SLC38A9: variants seen among roughly 807,000 people sequenced by gnomAD.
The protein encoded by SLC38A9 is neutral amino acid transporter 9.
SLC38A9 carries 48 observed loss-of-function variants against 62.3 expected under a neutral mutation model. The observed-to-expected ratio is 0.77, with a 90% CI of 0.61 to 0.98. SLC38A9 has a LOEUF of 0.98. Among genes scored for constraint, SLC38A9 ranks in the 50% least tolerant of loss-of-function variants. SLC38A9 has a pLI of 0.00. For synonymous variants in SLC38A9, 204 were observed against 227.7 expected, an observed-to-expected ratio of 0.90 and a Z score of 0.94; for missense variants, 541 against 679.8, an observed-to-expected ratio of 0.80 and a Z score of 2.27.
rs577599634 is a variant in SLC38A9 at position 55,690,095 on chromosome 5, C to A, written c.113+7751G>T. Among the ~76,000 whole-genome samples the A allele has an allele frequency of 3.9e-4, 60 of 152,190 alleles. 1 individual carries two copies. In the South Asian group the frequency reaches 7.1e-3, roughly 18 times the overall value. On this transcript the variant is annotated intron_variant, in intron 3 of 15. Coordinates refer to ENST00000396865, the MANE Select transcript of SLC38A9 (RefSeq NM_173514.4). ...ATGAATTTGTAAGAATAAAAGGATTCTAATGGGACTAGAAATAAGATCCCA... is the reference window on the plus strand; with the variant it reads ...ATGAATTTGTAAGAATAAAAGGATTATAATGGGACTAGAAATAAGATCCCA...
In SLC38A9 at chr5:55,695,381, G is replaced by C. The variant is rs575358434; in HGVS notation, c.113+2465C>G. Among the ~76,000 whole-genome samples the C allele has an allele frequency of 1.9e-3, 189 of 102,096 alleles. 1 individual carries two copies. Among genetic ancestry groups the C allele is most frequent in the African/African-American group, 5.9e-3 (182 of 30,688 alleles). The allele number at this position is 102,096 out of a possible 152,430, so 67.0% of individuals were successfully genotyped here. A position where few individuals can be genotyped will look rare whatever the true frequency, so the allele number is the denominator to read the frequency against. On this transcript the variant is annotated intron_variant, in intron 3 of 15. Transcript: ENST00000396865. The stretch of plus-strand genomic sequence containing the variant: ...GTCAGCAGATAAACAAGTGAACAAA[G>C]GTCTCTGGTTTTCCTAGGCAGAGGA...
At chr5:55,644,585 C>A (rs1027902261) in intron 12 of SLC38A9, among the ~76,000 whole-genome samples, 1 of 151,990 alleles carries the variant, frequency 6.6e-6, no homozygotes, top group Non-Finnish European at 1.5e-5. Flanking sequence ...CCATACCCGA[C>A]TAATTTTTGT....
rs1180302354 is a variant in SLC38A9 at position 55,656,774 on chromosome 5, T to C, written c.698A>G (p.Asn233Ser). The C allele has an allele frequency of 2.6e-6, 4 of 1,529,934 alleles. No homozygotes were observed. The South Asian group carries it at 3.5e-5, about 13-fold the overall frequency. 94.8% of individuals were successfully genotyped at this position (1,529,934 alleles called of 1,614,324 possible). A position where few individuals can be genotyped will look rare whatever the true frequency, so the allele number is the denominator to read the frequency against. Residue 233 changes from asparagine (N) to serine (S), a missense_variant and splice_region_variant, in exon 9 of 16, where the codon AAT (asparagine) becomes AGT (serine). Coordinates refer to ENST00000396865, the MANE Select transcript of SLC38A9 (RefSeq NM_173514.4). Reference protein sequence around the residue: ...FLFNTGKFIFNFIHHINDTDT... With the variant: ...FLFNTGKFIFSFIHHINDTDT... ...TGTGTCATTAATGTGATGAATAAAA[T>C]CTAAAAATAAAGGAAAAAATATAGT... is the stretch of plus-strand genomic sequence containing the variant.
chr5:55,697,666 A>AT (rs1324993281), intron 3 of SLC38A9, among the ~76,000 whole-genome samples, 180 bp downstream of exon 3: 1 of 151,846 alleles, frequency 6.6e-6, no homozygotes, highest in Non-Finnish European at 1.5e-5. Flanking sequence ...AAAAAAAAAA[A>AT]AAAAAAAAAT....
At chr5:55,692,892 C>G in intron 3 of SLC38A9, 1 of 978,458 alleles carries the variant, frequency 1.0e-6, no homozygotes, top group Non-Finnish European at 1.2e-6. Context: ...AGTCTTATTT[C>G]ATTATCTTTT....
At chr5:55,664,231 C>A (rs1750090032) in intron 8 of SLC38A9, among the ~76,000 whole-genome samples, 1 of 152,060 alleles carries the variant, frequency 6.6e-6, no homozygotes, top group Non-Finnish European at 1.5e-5. Context: ...CTAAGACTCT[C>A]CTCAGAATTT....
At chr5:55,705,549 A>C (rs11745701) in intron 2 of SLC38A9, among the ~76,000 whole-genome samples, 91,147 of 151,788 alleles carry the variant, frequency 0.6, 27,962 homozygotes, top group South Asian at 0.7. Context: ...GATTGAAACC[A>C]GGTCACTTTG....
chr5:55,656,289 TTC>T (rs1222780759), intron 9 of SLC38A9, among the ~76,000 whole-genome samples: 1 of 151,836 alleles, frequency 6.6e-6, no homozygotes, highest in Non-Finnish European at 1.5e-5. Flanking sequence ...AGAAAATGAA[TTC>T]TTTTACAGGT....
At chr5:55,680,895 G>T (rs182579513) in intron 3 of SLC38A9, among the ~76,000 whole-genome samples, 1 of 152,334 alleles carries the variant, frequency 6.6e-6, no homozygotes, top group African/African-American at 2.4e-5. Flanking sequence ...GCATTCTGCA[G>T]ATCAATCCCA....
At chr5:55,644,905 C>G (rs1318465745) in intron 12 of SLC38A9, among the ~76,000 whole-genome samples, 1 of 149,946 alleles carries the variant, frequency 6.7e-6, no homozygotes, top group African/African-American at 2.4e-5. Flanking sequence ...GTGTGATGTT[C>G]CCCTTCCTGT....
chr5:55,649,193 G>T lies in SLC38A9; in HGVS notation c.1060+14C>A, dbSNP rs1017936778. ...TCACATTATTATAATTTATTATTTT[G>T]CCAAAAAGCTCACCTGGTACAAAAA... On this transcript the variant is annotated intron_variant, in intron 11 of 15. Coordinates refer to ENST00000396865, the MANE Select transcript of SLC38A9 (RefSeq NM_173514.4). 2 of 1,440,540 alleles carry T rather than the reference G, an allele frequency of 1.4e-6. No homozygotes were observed. Among genetic ancestry groups the T allele is most frequent in the African/African-American group, 1.4e-5 (1 of 69,714 alleles). 89.2% of individuals were successfully genotyped at this position (1,440,540 alleles called of 1,614,324 possible).
chr5:55,642,637 G>A (rs1205254200), intron 12 of SLC38A9, among the ~76,000 whole-genome samples: 1 of 152,194 alleles, frequency 6.6e-6, no homozygotes, highest in Admixed American at 6.5e-5. Flanking sequence ...GAAAGGGTAA[G>A]AGGGGTAAAA....
chr5:55,690,618 T>A (rs1754591138), intron 3 of SLC38A9, among the ~76,000 whole-genome samples: 1 of 152,250 alleles, frequency 6.6e-6, no homozygotes, highest in African/African-American at 2.4e-5. Context: ...CTTTTCTGTC[T>A]TTTGTTGAAC....
rs563622994 is a variant in SLC38A9, at chr5:55,689,140, C to G, written c.113+8706G>C. ...ATATACCAAGATAAACTATAAACTA[C>G]TGAAGTAGAAAAAATAAGGAAGCAT... On this transcript the variant is annotated intron_variant, in intron 3 of 15. Coordinates refer to ENST00000396865, the MANE Select transcript of SLC38A9 (RefSeq NM_173514.4). 8.5e-5 allele frequency among the ~76,000 whole-genome samples: 13 copies of G among 152,210 alleles called. No homozygotes were observed. In the South Asian group the frequency reaches 1.9e-3, roughly 22 times the overall value.
chr5:55,662,686 C>CAAAA (rs1491345220), intron 8 of SLC38A9, among the ~76,000 whole-genome samples: 4 of 41,782 alleles, frequency 9.6e-5, no homozygotes, highest in African/African-American at 2.4e-4. Context: ...CAAAAAAAAA[C>CAAAA]CAAAAAAAAA....
chr5:55,694,707 C>T (rs558213394), intron 3 of SLC38A9, among the ~76,000 whole-genome samples: 5 of 147,050 alleles, frequency 3.4e-5, no homozygotes, highest in African/African-American at 5.0e-5. Flanking sequence ...TTCCCTTCCC[C>T]TCCCCTCCCC....
chr5:55,702,307 G>A (rs1756768955), intron 2 of SLC38A9, among the ~76,000 whole-genome samples: 1 of 151,126 alleles, frequency 6.6e-6, no homozygotes, highest in South Asian at 2.1e-4. Context: ...CACCCAGGCT[G>A]GAGTGGTGCA....
At chr5:55,708,408 G>A (rs1431001542) in intron 2 of SLC38A9, among the ~76,000 whole-genome samples, 2 of 152,148 alleles carry the variant, frequency 1.3e-5, no homozygotes, top group African/African-American at 4.8e-5. Flanking sequence ...AAAGTAAACT[G>A]GTATGACATT....
intron 3 of SLC38A9, among the ~76,000 whole-genome samples, chr5:55,685,641 A>G (rs566042635): frequency 6.6e-6 from 1 of 152,136 alleles, no homozygotes; most frequent in African/African-American, 2.4e-5. Flanking sequence ...TTTAACTTTT[A>G]AGTTCAGGGT....
Sources: gnomAD v4.1 joint callset for allele counts (sites outside exome capture counted in the v4.1 genomes callset) on GRCh38, gnomAD v4.1.1 for gene constraint, MANE v1.5 for transcripts, NCBI Gene and HGNC (gene_info 2026-07-23, HGNC 2026-07-21) for gene names.